Variants in TFEB observed in about 807,000 individuals in gnomAD.
The protein encoded by TFEB is transcription factor EB.
Under a neutral mutation model 48.0 loss-of-function variants are expected in TFEB, and 12 were observed. That is an observed-to-expected ratio of 0.25 (90% confidence interval 0.16 to 0.40). TFEB has a LOEUF of 0.40. Ranked by LOEUF, TFEB falls within the 10% of genes least tolerant of loss-of-function variation. TFEB has a pLI of 1.00. For synonymous variants in TFEB, 244 were observed against 261.4 expected, an observed-to-expected ratio of 0.93 and a Z score of 0.64; for missense variants, 509 against 640.3, an observed-to-expected ratio of 0.79 and a Z score of 2.21.
At chr6:41,726,198 G>C (rs1771200764) in intron 1 of TFEB, among the ~76,000 whole-genome samples, 1 of 152,340 alleles carries the variant, frequency 6.6e-6, no homozygotes, top group African/African-American at 2.4e-5. Context: ...ACACTGTTGG[G>C]TGGGAAAAGC....
intron 1 of TFEB, among the ~76,000 whole-genome samples, chr6:41,696,950 C>A (rs900577738): frequency 6.6e-6 from 1 of 152,238 alleles, no homozygotes; most frequent in Admixed American, 6.5e-5. Flanking sequence ...TGGGAGGGGA[C>A]ACAAGATGGC....
chr6:41,726,771 A>G (rs1771230647), intron 1 of TFEB, among the ~76,000 whole-genome samples: 1 of 152,200 alleles, frequency 6.6e-6, no homozygotes. Context: ...TTACTACATT[A>G]TATGTGTATG....
At chr6:41,697,675 A>C (rs1023781466) in intron 1 of TFEB, among the ~76,000 whole-genome samples, 1 of 152,208 alleles carries the variant, frequency 6.6e-6, no homozygotes, top group African/African-American at 2.4e-5. Flanking sequence ...TCATAGATGC[A>C]GAAAAGGATG....
Position 41,734,580 on chromosome 6 carries a change from A to G in TFEB, c.-23+770T>C, listed in dbSNP as rs1771591608. Among the ~76,000 whole-genome samples the G allele has an allele frequency of 2.0e-5, 2 of 101,938 alleles. No individual in the cohort carries two copies. The highest frequency in any genetic ancestry group is 9.4e-5 in the Admixed American group (1 of 10,650). The allele number at this position is 101,938 out of a possible 152,430, so 66.9% of individuals were successfully genotyped here. ...TCGGGACCGAGACGGGGGGAGGGGG[A>G]AACTCGGGGGGCGGGCAGGCAGCTG... On this transcript the variant is annotated intron_variant, in intron 1 of 8. Transcript: ENST00000373033. This position sits in a 1 kb window ranked among gnomAD's most constrained non-coding sequence, Gnocchi z 4.0.
upstream of TFEB, among the ~76,000 whole-genome samples, chr6:41,735,921 A>G (rs1411658170): frequency 1.3e-5 from 2 of 152,194 alleles, no homozygotes; most frequent in African/African-American, 4.8e-5. Flanking sequence ...CGGCAGTCTA[A>G]GAAAGAGAGG....
intron 1 of TFEB, among the ~76,000 whole-genome samples, chr6:41,713,292 C>T (rs981471904): frequency 3.3e-5 from 5 of 152,118 alleles, no homozygotes; most frequent in East Asian, 1.9e-4. Flanking sequence ...GCCAGGATGG[C>T]GAGGCGGGTG....
chr6:41,699,485 A>G (rs151220250), intron 1 of TFEB, among the ~76,000 whole-genome samples: 83 of 152,294 alleles, frequency 5.4e-4, no homozygotes, highest in Non-Finnish European at 9.7e-4. Flanking sequence ...AGCTTTTCCT[A>G]TTACCAGGAG....
intron 3 of TFEB, 92 bp downstream of exon 3, chr6:41,690,571 C>T: frequency 3.6e-6 from 5 of 1,387,070 alleles, no homozygotes; most frequent in African/African-American, 2.9e-5. Flanking sequence ...TGAAGGCACC[C>T]CTGCCTCTGC....
intron 1 of TFEB, among the ~76,000 whole-genome samples, chr6:41,710,419 A>G (rs180922736): frequency 2.2e-4 from 34 of 152,372 alleles, no homozygotes; most frequent in African/African-American, 7.7e-4. Flanking sequence ...ACAACAGGCC[A>G]GGATGGCCAA....
At chr6:41,708,633 ACTGGTGCTCC>A (rs1213151554) in intron 1 of TFEB, among the ~76,000 whole-genome samples, 3 of 152,068 alleles carry the variant, frequency 2.0e-5, no homozygotes, top group South Asian at 2.1e-4. Context: ...CTACTCTACC[ACTGGTGCTCC>A]CTGGGGGAGC....
rs78758100 is a variant in TFEB at position 41,691,046 on chromosome 6, G to A, written c.168C>T (p.Pro56=). 1,156 of 1,574,504 alleles carry A rather than the reference G, an allele frequency of 7.3e-4. 8 individuals carry two copies. The African/African-American group carries it at 0.013, about 17-fold the overall frequency. Residue 56 remains proline, a synonymous_variant, in exon 2 of 9, where the codon CCC becomes CCT. Transcript: ENST00000373033. The surrounding 1 kb of genome is among the most constrained non-coding windows in gnomAD (Gnocchi z 5.2). ...GGPPTPAINT[P]VHFQSPPPVP... ...CAGGTGGTGGCGACTGGAAGTGGAC[G>A]GGGGTATTGATGGCCGGGGTGGGCG...
At chr6:41,735,063 T>C (rs1771622052) in intron 1 of TFEB, 1 of 983,564 alleles carries the variant, frequency 1.0e-6, no homozygotes, top group Non-Finnish European at 1.2e-6. Context: ...GCCCGGCCCC[T>C]CCCGCCCGGT....
intron 1 of TFEB, among the ~76,000 whole-genome samples, chr6:41,701,892 C>T (rs1054292123): frequency 6.7e-6 from 1 of 148,742 alleles, no homozygotes; most frequent in African/African-American, 2.5e-5. Flanking sequence ...TTGTAATGAG[C>T]TGAGATCGCA....
chr6:41,706,101 C>A (rs1770205474), intron 1 of TFEB, among the ~76,000 whole-genome samples: 1 of 152,206 alleles, frequency 6.6e-6, no homozygotes, highest in Non-Finnish European at 1.5e-5. Context: ...CGCAGGTCCC[C>A]AGAATCCAGC....
chr6:41,718,255 C>G (rs1770821823), intron 1 of TFEB, among the ~76,000 whole-genome samples: 1 of 152,044 alleles, frequency 6.6e-6, no homozygotes. Flanking sequence ...GTCACCCAGG[C>G]TAGAGTGCAG....
In TFEB at chr6:41,687,763, A is replaced by G; in HGVS notation, c.717T>C (p.Asn239=). Residue 239 remains asparagine, a synonymous_variant, in exon 6 of 9, where the codon AAT becomes AAC. Coordinates refer to ENST00000373033, the MANE Select transcript of TFEB (RefSeq NM_001271944.2). The part of the protein sequence containing the change: ...ALAKERQKKD[N]HNLIERRRRF... ...CGGGGCAGGACTCACTTAAGTTGTG[A>G]TTGTCTTTCTTCTGCCGCTCCTTGG... 1 of 1,614,030 alleles carries G rather than the reference A, an allele frequency of 6.2e-7. No individual in the cohort carries two copies. Among genetic ancestry groups the G allele is most frequent in the Non-Finnish European group, 8.5e-7 (1 of 1,179,984 alleles).
In TFEB at chr6:41,685,866, C is replaced by A. The variant is rs966884711; in HGVS notation, c.951+224G>T. Among the ~76,000 whole-genome samples, 3 of 152,190 alleles carry A rather than the reference C, an allele frequency of 2.0e-5. No individual in the cohort carries two copies. In the South Asian group the frequency reaches 6.2e-4, roughly 31 times the overall value. On this transcript the variant is annotated intron_variant, in intron 8 of 8. Transcript: ENST00000373033. ...GAGCTGGGTGCCAGCAGCGTGGGTG[C>A]CAGAATGAGGGTCTCACAGAACAGA...
rs574794355 is a variant in TFEB, at chr6:41,701,722, A to T, written c.-22-10487T>A. Among the ~76,000 whole-genome samples the T allele has an allele frequency of 1.4e-4, 21 of 152,280 alleles. No individual in the cohort carries two copies. In the East Asian group the frequency reaches 3.7e-3, roughly 27 times the overall value. The stretch of plus-strand genomic sequence containing the variant: ...CACTTTGGGAGGCTGAGGCAGGTGG[A>T]TCACTTGAGGTCAGGAGTTCGAGAC... On this transcript the variant is annotated intron_variant, in intron 1 of 8. Coordinates refer to ENST00000373033, the MANE Select transcript of TFEB (RefSeq NM_001271944.2).
At chr6:41,690,636 A>G (rs979253777) in intron 3 of TFEB, 27 bp downstream of exon 3, 3 of 1,498,002 alleles carry the variant, frequency 2.0e-6, no homozygotes, top group Non-Finnish European at 2.7e-6. Flanking sequence ...TGCAAGCAGC[A>G]TGGCCACTGG....
Sources: allele counts gnomAD v4.1 joint callset (sites outside exome capture counted in the v4.1 genomes callset), GRCh38; gene constraint gnomAD v4.1.1; non-coding constraint Gnocchi (gnomAD v3.1); transcripts MANE v1.5; gene names NCBI Gene and HGNC (gene_info 2026-07-23, HGNC 2026-07-21).